Variants in BORCS7 observed in about 807,000 individuals in gnomAD.
BORCS7 encodes the protein BLOC-1-related complex subunit 7.
BORCS7 carries 20 observed loss-of-function variants against 17.5 expected under a neutral mutation model. That is an observed-to-expected ratio of 1.14 (90% CI 0.80 to 1.66). The LOEUF (loss-of-function observed/expected upper bound fraction) is 1.66. BORCS7 is among the 40% of genes most tolerant of loss of function. The probability of loss-of-function intolerance (pLI) is 0.00; values close to 1 mark genes in which losing one functional copy is unlikely to be tolerated. For synonymous variants in BORCS7, 57 were observed against 49.8 expected (o/e 1.14, Z -0.61); for missense variants, 122 against 129.7 (o/e 0.94, Z 0.29).
intron 1 of BORCS7, among the ~76,000 whole-genome samples, 174 bp from the exon 2 acceptor site, chr10:102,860,158 T>G (rs2134099283): frequency 6.6e-6 from 1 of 152,308 alleles, no homozygotes; most frequent in South Asian, 2.1e-4. Context: ...GCCAATGAAA[T>G]GAATTTTCAA....
intron 1 of BORCS7, among the ~76,000 whole-genome samples, chr10:102,854,722 G>C (rs1844396592): frequency 6.6e-6 from 1 of 151,634 alleles, no homozygotes; most frequent in Non-Finnish European, 1.5e-5. Context: ...AAACTAGCCT[G>C]ACAATCATGG....
At position 102,857,035 on chromosome 10, in the gene BORCS7, G is replaced by T. The variant is rs552578635; in HGVS notation, c.141+2608G>T. ...ACCACATTTCTAAAACAGAAAAATGGATCATGCCATTTTTCTCTAGAATTA... is the reference window on the plus strand; with the variant it reads ...ACCACATTTCTAAAACAGAAAAATGTATCATGCCATTTTTCTCTAGAATTA... On this transcript the variant is annotated intron_variant, in intron 1 of 4. Transcript: ENST00000339834. Among the ~76,000 whole-genome samples the T allele has an allele frequency of 2.1e-4, 32 of 152,126 alleles. No homozygotes were observed. The South Asian group carries it at 2.7e-3, about 13-fold the overall frequency.
Position 102,854,433 on chromosome 10 carries a change from C to T in BORCS7, c.141+6C>T. On this transcript the variant is annotated splice_donor_region_variant and intron_variant, in intron 1 of 4. Transcript: ENST00000339834. ...AAGGCTCCCGGAGCTCCGAGGTGAGCTGGAAGTGGACTCTCCCGGCCTGAT... is the reference window on the plus strand; with the variant it reads ...AAGGCTCCCGGAGCTCCGAGGTGAGTTGGAAGTGGACTCTCCCGGCCTGAT... 6.5e-7 allele frequency: 1 copy of T among 1,533,286 alleles called. No homozygotes were observed. Among genetic ancestry groups the T allele is most frequent in the Non-Finnish European group, 8.8e-7 (1 of 1,132,194 alleles). The allele number at this position is 1,533,286 out of a possible 1,614,324, so 95.0% of individuals were successfully genotyped here.
intron 1 of BORCS7, among the ~76,000 whole-genome samples, chr10:102,859,997 C>T (rs1161459638): frequency 6.6e-6 from 1 of 152,180 alleles, no homozygotes; most frequent in African/African-American, 2.4e-5. Context: ...CATGTTCTCT[C>T]ACTGGACTTG....
chr10:102,859,133 CTTTCT>C lies in BORCS7; in HGVS notation c.142-1185_142-1181del, dbSNP rs1450032694. Among the ~76,000 whole-genome samples, 6 of 144,632 alleles carry C rather than the reference CTTTCT, an allele frequency of 4.1e-5. No individual in the cohort carries two copies. The South Asian group carries it at 6.8e-4, about 16-fold the overall frequency. The allele number at this position is 144,632 out of a possible 152,430, so 94.9% of individuals were successfully genotyped here. A position where few individuals can be genotyped will look rare whatever the true frequency, so the allele number is the denominator to read the frequency against. On this transcript the variant is annotated intron_variant, in intron 1 of 4. Coordinates refer to ENST00000339834, the MANE Select transcript of BORCS7 (RefSeq NM_001136200.2). ...ATTAAATTCTGCCTGCACATTTCTC[CTTTCT>C]TTTCTTTTCTTTTTTTTTTTTTTGA...
intron 1 of BORCS7, among the ~76,000 whole-genome samples, chr10:102,854,779 G>T (rs2134094334): frequency 6.6e-6 from 1 of 151,472 alleles, no homozygotes; most frequent in South Asian, 2.1e-4. Context: ...AAAATATATA[G>T]CCGAGCGTGG....
chr10:102,854,502 G>C, intron 1 of BORCS7, 75 bp downstream of exon 1: 2 of 1,470,556 alleles, frequency 1.4e-6, no homozygotes, highest in Non-Finnish European at 1.8e-6. Context: ...GAAGGAGGTC[G>C]CGTTGCATCT....
intron 1 of BORCS7, among the ~76,000 whole-genome samples, chr10:102,855,881 C>A (rs1320810681): frequency 1.3e-5 from 2 of 152,160 alleles, no homozygotes; most frequent in African/African-American, 4.8e-5. Flanking sequence ...CCTGCCTCAG[C>A]CTCCTGAGTA....
At chr10:102,855,867 T>G (rs2134095576) in intron 1 of BORCS7, among the ~76,000 whole-genome samples, 1 of 152,346 alleles carries the variant, frequency 6.6e-6, no homozygotes, top group African/African-American at 2.4e-5. Flanking sequence ...GTTCAAGCGA[T>G]TCTCCTGCCT....
intron 1 of BORCS7, among the ~76,000 whole-genome samples, chr10:102,859,565 T>G (rs1010030991): frequency 6.7e-6 from 1 of 148,498 alleles, no homozygotes; most frequent in Non-Finnish European, 1.5e-5. Context: ...TTCCATTTTT[T>G]TTTTCTTTTT....
In BORCS7 at chr10:102,862,023, C is replaced by T. The variant is rs575985814; in HGVS notation, c.249-137C>T. ...AGACAGGAATCCCTGTTCAATAGCACAATCTTAGGATAGGATGGACAGAAA... is the reference window on the plus strand; with the variant it reads ...AGACAGGAATCCCTGTTCAATAGCATAATCTTAGGATAGGATGGACAGAAA... On this transcript the variant is annotated intron_variant, in intron 3 of 4. Coordinates refer to ENST00000339834, the MANE Select transcript of BORCS7 (RefSeq NM_001136200.2). 4 of 812,740 alleles carry T rather than the reference C, an allele frequency of 4.9e-6. No individual in the cohort carries two copies. In the African/African-American group the frequency reaches 5.2e-5, roughly 10 times the overall value. The allele number at this position is 812,740 out of a possible 1,614,324, so 50.3% of individuals were successfully genotyped here.
In BORCS7 at chr10:102,854,278, C is replaced by A; in HGVS notation, c.-9C>A. ...ACCATCGTCAGTGCGCAACCGTTCG[C>A]TAACTGAAATGATGGCGACTGGAAC... On this transcript the variant is annotated 5_prime_UTR_variant, in exon 1 of 5. Transcript: ENST00000339834. 1 of 1,605,424 alleles carries A rather than the reference C, an allele frequency of 6.2e-7. No individual in the cohort carries two copies. The highest frequency in any genetic ancestry group is 1.1e-5 in the South Asian group (1 of 89,198).
At chr10:102,858,581 C>A (rs1345680999) in intron 1 of BORCS7, among the ~76,000 whole-genome samples, 2 of 151,578 alleles carry the variant, frequency 1.3e-5, no homozygotes, top group African/African-American at 4.8e-5. Context: ...ATCCAGGATG[C>A]GGAGGTTGCA....
intron 3 of BORCS7, chr10:102,860,805 G>T (rs1590213204): frequency 1.8e-6 from 1 of 570,472 alleles, no homozygotes; most frequent in East Asian, 2.9e-5. Flanking sequence ...TATAAACCCT[G>T]TAAAGGCAGG....
intron 1 of BORCS7, among the ~76,000 whole-genome samples, chr10:102,858,830 C>G (rs191939633): frequency 3.0e-4 from 46 of 152,074 alleles, no homozygotes; most frequent in Middle Eastern, 3.4e-3. Flanking sequence ...TCTGGCAATC[C>G]TAGTTACTTT....
intron 1 of BORCS7, among the ~76,000 whole-genome samples, chr10:102,855,183 G>A (rs1256134069): frequency 8.5e-5 from 12 of 141,216 alleles, no homozygotes; most frequent in Non-Finnish European, 1.5e-4. Flanking sequence ...TTTTTGAGAC[G>A]GAGTCTAGCT....
chr10:102,860,403 C>A lies in BORCS7; in HGVS notation c.204+9C>A. 1 of 1,613,178 alleles carries A rather than the reference C, an allele frequency of 6.2e-7. No individual in the cohort carries two copies. The highest frequency in any genetic ancestry group is 8.5e-7 in the Non-Finnish European group (1 of 1,179,380). ...TCTTGCACTCAGAAGATGTAAGAAA[C>A]AACTTTTTTTTTTAATGATTTGGGT... On this transcript the variant is annotated intron_variant, in intron 2 of 4. Transcript: ENST00000339834.
intron 3 of BORCS7, 119 bp downstream of exon 3, chr10:102,860,660 G>A (rs1363168580): frequency 1.4e-5 from 15 of 1,068,728 alleles, no homozygotes; most frequent in Non-Finnish European, 2.0e-5. Context: ...AGGTGGGGGT[G>A]GCCAAGGATG....
chr10:102,854,641 A>C, intron 1 of BORCS7: 1 of 459,056 alleles, frequency 2.2e-6, no homozygotes, highest in Non-Finnish European at 3.6e-6. Flanking sequence ...AAGCGATGCC[A>C]TGGGAACCTG....
Sources: allele counts gnomAD v4.1 joint callset (sites outside exome capture counted in the v4.1 genomes callset), GRCh38; gene constraint gnomAD v4.1.1; transcripts MANE v1.5; gene names NCBI Gene and HGNC (gene_info 2026-07-23, HGNC 2026-07-21).